The following DDX46 variants were observed in gnomAD, a reference collection of about 807,000 sequenced individuals.
DDX46 encodes the protein probable ATP-dependent RNA helicase DDX46.
In DDX46, 30 loss-of-function variants were observed where a neutral mutation model predicts 134.9. That is an observed-to-expected ratio of 0.22 (90% CI 0.17 to 0.30). DDX46 has a LOEUF of 0.30. Ranked by LOEUF, DDX46 falls within the 10% of genes least tolerant of loss-of-function variation. The pLI is 1.00. For synonymous variants in DDX46, 415 were observed against 404.1 expected, an observed-to-expected ratio of 1.03 and a Z score of -0.32; for missense variants, 622 against 1,248.7, an observed-to-expected ratio of 0.50 and a Z score of 7.56.
intron 1 of DDX46, among the ~76,000 whole-genome samples, chr5:134,760,138 T>C (rs1403482708): frequency 6.6e-6 from 1 of 152,220 alleles, no homozygotes; most frequent in Admixed American, 6.6e-5. Flanking sequence ...GAAGTAGAGA[T>C]AAGATGATGG....
chr5:134,811,149 A>AT, intron 16 of DDX46, 72 bp from the exon 17 acceptor site: 1 of 1,371,018 alleles, frequency 7.3e-7, no homozygotes, highest in East Asian at 2.3e-5. Flanking sequence ...GGTGGATCAG[A>AT]TTTTATCTTA....
intron 21 of DDX46, among the ~76,000 whole-genome samples, chr5:134,825,589 T>C (rs1023523780): frequency 5.9e-5 from 9 of 152,246 alleles, no homozygotes; most frequent in Non-Finnish European, 1.2e-4. Context: ...TATAGCTCTC[T>C]ACGTTGCAAA....
At chr5:134,809,365 T>TAAATATCTAA (rs1561870608) in intron 16 of DDX46, among the ~76,000 whole-genome samples, 2 of 152,148 alleles carry the variant, frequency 1.3e-5, no homozygotes, top group African/African-American at 2.4e-5. Context: ...TAGATATTTC[T>TAAATATCTAA]GTTTTTGTTT....
chr5:134,805,061 A>G (rs1404284737), intron 15 of DDX46: 2 of 332,830 alleles, frequency 6.0e-6, no homozygotes, highest in South Asian at 3.0e-5. Flanking sequence ...CAGGGATTCC[A>G]GACAACCTAG....
intron 22 of DDX46, among the ~76,000 whole-genome samples, chr5:134,827,643 G>T (rs769467895): frequency 6.6e-6 from 1 of 152,212 alleles, no homozygotes; most frequent in South Asian, 2.1e-4. Context: ...GTAATCATGC[G>T]TTTGCACCTT....
intron 13 of DDX46, among the ~76,000 whole-genome samples, chr5:134,792,272 A>G (rs962425003): frequency 2.6e-5 from 4 of 152,176 alleles, no homozygotes; most frequent in Admixed American, 6.5e-5. Context: ...TGTCACATGA[A>G]AGCAGCATTG....
intron 21 of DDX46, among the ~76,000 whole-genome samples, chr5:134,825,640 C>G (rs1006432758): frequency 6.6e-6 from 1 of 152,162 alleles, no homozygotes; most frequent in African/African-American, 2.4e-5. Flanking sequence ...AATCTTTAGT[C>G]TTCTTTGATT....
chr5:134,763,756 A>G (rs1372216178), intron 1 of DDX46, 148 bp from the exon 2 acceptor site: 1 of 951,308 alleles, frequency 1.1e-6, no homozygotes, highest in Non-Finnish European at 1.5e-6. Context: ...AGAAGGGTTC[A>G]TTTTTTCCCT....
intron 14 of DDX46, among the ~76,000 whole-genome samples, chr5:134,795,576 C>T (rs551235206): frequency 1.3e-5 from 2 of 152,166 alleles, no homozygotes; most frequent in East Asian, 3.9e-4. Flanking sequence ...ATAGAAATGT[C>T]ACATACCAGA....
In DDX46 at chr5:134,794,071, G is replaced by T. The variant is rs369016758; in HGVS notation, c.1627-779G>T. Among the ~76,000 whole-genome samples, 341 of 152,284 alleles carry T rather than the reference G, an allele frequency of 2.2e-3. 1 individual carries two copies. Among genetic ancestry groups the T allele is most frequent in the African/African-American group, 8.0e-3 (332 of 41,544 alleles). ...GAGAGGTCCGGGCTTGTAGTGGTTG[G>T]CGGGGTGTGAATGCAACAATAACAG... On this transcript the variant is annotated intron_variant, in intron 13 of 22. Transcript: ENST00000452510.
chr5:134,815,628 AC>A (rs982159837), intron 18 of DDX46, among the ~76,000 whole-genome samples: 4 of 142,874 alleles, frequency 2.8e-5, no homozygotes, highest in Non-Finnish European at 6.0e-5. Flanking sequence ...AATGGCGTGA[AC>A]CTGGGAGGCG....
At chr5:134,769,671 T>C (rs1242041185) in intron 3 of DDX46, among the ~76,000 whole-genome samples, 1 of 150,848 alleles carries the variant, frequency 6.6e-6, no homozygotes, top group East Asian at 2.0e-4. Flanking sequence ...CTCCCACCCC[T>C]GAGTAGCTGG....
chr5:134,783,241 T>G lies in DDX46; in HGVS notation c.1166+176T>G, dbSNP rs182078729. ...CCCTTTAAATTATACAACTGGTTTT[T>G]TTTTGTTTTGTTTTGTTTTGTTTTT... On this transcript the variant is annotated intron_variant, in intron 9 of 22. Coordinates refer to ENST00000452510, the MANE Select transcript of DDX46 (RefSeq NM_001300860.2). Among the ~76,000 whole-genome samples, 1,252 of 152,020 alleles carry G rather than the reference T, an allele frequency of 8.2e-3. 61 individuals are homozygous for G. Among genetic ancestry groups the G allele is most frequent in the Admixed American group, 0.074 (1,134 of 15,234 alleles).
At chr5:134,793,187 T>G (rs568570055) in intron 13 of DDX46, among the ~76,000 whole-genome samples, 94 of 152,184 alleles carry the variant, frequency 6.2e-4, no homozygotes, top group Admixed American at 3.5e-3. Context: ...CGATTTAGTT[T>G]GTGATTATTT....
chr5:134,793,565 T>G (rs1008684154), intron 13 of DDX46, among the ~76,000 whole-genome samples: 4 of 151,950 alleles, frequency 2.6e-5, no homozygotes, highest in African/African-American at 9.7e-5. Context: ...CCACCATGCC[T>G]GGCTAATTTT....
chr5:134,762,773 G>A (rs1382086123), intron 1 of DDX46, among the ~76,000 whole-genome samples: 4 of 150,520 alleles, frequency 2.7e-5, no homozygotes, highest in African/African-American at 4.9e-5. Flanking sequence ...AATTAGCTGA[G>A]TGGCCGGGCG....
At chr5:134,762,972 T>C (rs1447739819) in intron 1 of DDX46, among the ~76,000 whole-genome samples, 6 of 151,946 alleles carry the variant, frequency 3.9e-5, no homozygotes, top group Non-Finnish European at 8.8e-5. Context: ...GGCAGGAGAA[T>C]GGTGTGAACC....
intron 19 of DDX46, 40 bp downstream of exon 19, chr5:134,816,646 A>G (rs780160380): frequency 8.2e-6 from 13 of 1,579,878 alleles, no homozygotes; most frequent in African/African-American, 8.2e-5. Flanking sequence ...TACTTTTAAG[A>G]AGTTCTTTGA....
intron 15 of DDX46, among the ~76,000 whole-genome samples, chr5:134,800,601 ATAAAGG>A (rs1754797044): frequency 6.6e-6 from 1 of 152,144 alleles, no homozygotes; most frequent in African/African-American, 2.4e-5. Context: ...TCGTGTCCCT[ATAAAGG>A]TAATTAATTA....
Sources: gnomAD v4.1 joint callset for allele counts (sites outside exome capture counted in the v4.1 genomes callset) on GRCh38, gnomAD v4.1.1 for gene constraint, MANE v1.5 for transcripts, NCBI Gene and HGNC (gene_info 2026-07-23, HGNC 2026-07-21) for gene names.